The following PRRX1 variants were observed in gnomAD, a reference collection of about 807,000 sequenced individuals.
The protein encoded by PRRX1 is paired mesoderm homeobox protein 1.
A neutral mutation model predicts 24.0 loss-of-function variants in PRRX1; 8 were observed. The ratio of observed to expected loss-of-function variants is 0.33; its 90% CI spans 0.20 to 0.60. The LOEUF (loss-of-function observed/expected upper bound fraction) is 0.60, where lower values mean the gene tolerates loss of function less well. Among genes scored for constraint, PRRX1 ranks in the 20% least tolerant of loss-of-function variants. The pLI is 0.82. For synonymous variants in PRRX1, 160 were observed against 131.7 expected (o/e 1.22, Z -1.47); for missense variants, 281 against 322.4 (o/e 0.87, Z 0.98).
intron 2 of PRRX1, among the ~76,000 whole-genome samples, chr1:170,724,514 C>G (rs1331825448): frequency 6.6e-6 from 1 of 152,140 alleles, no homozygotes; most frequent in African/African-American, 2.4e-5. Flanking sequence ...CTAGCCAGTT[C>G]TCCAAGCACC....
intron 1 of PRRX1, among the ~76,000 whole-genome samples, chr1:170,689,176 T>C (rs2101896589): frequency 6.6e-6 from 1 of 152,206 alleles, no homozygotes; most frequent in South Asian, 2.1e-4. Flanking sequence ...TTCTGTTATT[T>C]CAAAAAGATT....
At chr1:170,669,444 A>AAAAAAAAAAAAAAAAAAAAAAG (rs1653067200) in intron 1 of PRRX1, 1 of 144,646 alleles carries the variant, frequency 6.9e-6, no homozygotes, top group Non-Finnish European at 1.5e-5. Context: ...AAAAAAAAAA[A>AAAAAAAAAAAAAAAAAAAAAAG]AAAAAAAAAA....
intron 3 of PRRX1, among the ~76,000 whole-genome samples, chr1:170,733,290 T>C (rs1404134400): frequency 6.6e-6 from 1 of 152,166 alleles, no homozygotes; most frequent in African/African-American, 2.4e-5. Context: ...AGCAATAGCA[T>C]CTTCAGTAAA....
At chr1:170,686,550 G>T (rs188463591) in intron 1 of PRRX1, among the ~76,000 whole-genome samples, 1 of 152,164 alleles carries the variant, frequency 6.6e-6, no homozygotes. Context: ...CTAGCCTTAG[G>T]GGGTAGCTGT....
At chr1:170,712,066 C>A (rs1654769162) in intron 1 of PRRX1, among the ~76,000 whole-genome samples, 1 of 152,130 alleles carries the variant, frequency 6.6e-6, no homozygotes, top group Non-Finnish European at 1.5e-5. Flanking sequence ...ATTTTCATAA[C>A]CTGTCTTTAG....
At chr1:170,691,976 T>C (rs997424375) in intron 1 of PRRX1, among the ~76,000 whole-genome samples, 1 of 152,066 alleles carries the variant, frequency 6.6e-6, no homozygotes, top group African/African-American at 2.4e-5. Context: ...TATTGTGTGC[T>C]TGGTACTGTG....
At chr1:170,689,180 A>G (rs1485785238) in intron 1 of PRRX1, among the ~76,000 whole-genome samples, 1 of 152,112 alleles carries the variant, frequency 6.6e-6, no homozygotes, top group Non-Finnish European at 1.5e-5. Context: ...GTTATTTCAA[A>G]AAGATTAATA....
At position 170,686,089 on chromosome 1, in the gene PRRX1, G is replaced by T. The variant is rs546421259; in HGVS notation, c.241+21630G>T. Among the ~76,000 whole-genome samples the T allele has an allele frequency of 3.3e-5, 5 of 149,776 alleles. No homozygotes were observed. The South Asian group carries it at 8.4e-4, about 25-fold the overall frequency. Reference sequence around the variant, plus strand: ...CGTCTGCCTCCAAGGCTGTCAATCCGGCACCTTTCACCAGCATTAAGCTCA... The same window carrying T: ...CGTCTGCCTCCAAGGCTGTCAATCCTGCACCTTTCACCAGCATTAAGCTCA... On this transcript the variant is annotated intron_variant, in intron 1 of 3. Transcript: ENST00000239461.
At chr1:170,709,557 T>G (rs1654677529) in intron 1 of PRRX1, among the ~76,000 whole-genome samples, 1 of 152,184 alleles carries the variant, frequency 6.6e-6, no homozygotes, top group African/African-American at 2.4e-5. Context: ...CTGGCTCTGA[T>G]GGTCACCAAG....
chr1:170,727,323 G>A (rs997992388), intron 3 of PRRX1: 1 of 152,186 alleles, frequency 6.6e-6, no homozygotes. Context: ...CATTGGATTA[G>A]TCTAGAGTGA....
intron 2 of PRRX1, 69 bp from the exon 3 acceptor site, chr1:170,726,151 C>T: frequency 3.5e-6 from 5 of 1,446,978 alleles, no homozygotes; most frequent in Non-Finnish European, 4.8e-6. Context: ...GAATTTCATT[C>T]ATGTAACCCC....
intron 3 of PRRX1, chr1:170,728,779 T>C (rs1655335479): frequency 6.6e-6 from 1 of 152,232 alleles, no homozygotes; most frequent in African/African-American, 2.4e-5. Flanking sequence ...AGCTATTCTG[T>C]TATTTGGAGA....
intron 1 of PRRX1, among the ~76,000 whole-genome samples, chr1:170,691,581 CT>C (rs1441835616): frequency 6.7e-6 from 1 of 149,788 alleles, no homozygotes; most frequent in African/African-American, 2.5e-5. Context: ...CTTCCCCCAC[CT>C]TTTTTAGTTC....
rs1652841879 is a variant in PRRX1 at position 170,664,416 on chromosome 1, G to A, written c.198G>A (p.Glu66=). Residue 66 remains glutamate, a synonymous_variant, in exon 1 of 4, where the codon GAG becomes GAA. Coordinates refer to ENST00000239461, the MANE Select transcript of PRRX1 (RefSeq NM_022716.4). ...GCGAGGCTGGCCGGAGCCTGCTGGA[G>A]TCGCCGGGACTCACCAGCGGCAGCG... ...NVGEAGRSLL[E]SPGLTSGSDT... is the part of the protein sequence containing the mutation. 1 of 1,610,958 alleles carries A rather than the reference G, an allele frequency of 6.2e-7. No individual in the cohort carries two copies. The highest frequency in any genetic ancestry group is 8.5e-7 in the Non-Finnish European group (1 of 1,179,078).
chr1:170,733,369 C>A (rs940100264), intron 3 of PRRX1, among the ~76,000 whole-genome samples: 1 of 152,090 alleles, frequency 6.6e-6, no homozygotes, highest in Non-Finnish European at 1.5e-5. Flanking sequence ...CTTTGATTAT[C>A]TAAGAAAGGG....
chr1:170,707,087 G>A (rs1343830215), intron 1 of PRRX1, among the ~76,000 whole-genome samples: 1 of 151,642 alleles, frequency 6.6e-6, no homozygotes, highest in Non-Finnish European at 1.5e-5. Flanking sequence ...TTATGCCACC[G>A]TACCCCAGCC....
At chr1:170,725,655 T>A (rs1043456491) in intron 2 of PRRX1, among the ~76,000 whole-genome samples, 1 of 152,186 alleles carries the variant, frequency 6.6e-6, no homozygotes, top group Non-Finnish European at 1.5e-5. Context: ...AGTACACCCT[T>A]TAGTGGTTGC....
chr1:170,725,926 T>C (rs1655239571), intron 2 of PRRX1, among the ~76,000 whole-genome samples: 1 of 152,172 alleles, frequency 6.6e-6, no homozygotes, highest in Non-Finnish European at 1.5e-5. Context: ...TAACAGGGAT[T>C]ATAACCCATA....
chr1:170,719,077 T>G (rs1297219192), intron 1 of PRRX1, among the ~76,000 whole-genome samples: 1 of 152,166 alleles, frequency 6.6e-6, no homozygotes, highest in Non-Finnish European at 1.5e-5. Context: ...AATGTTAGCT[T>G]GGGTTGATGG....
Sources: gnomAD v4.1 joint callset for allele counts (sites outside exome capture counted in the v4.1 genomes callset) on GRCh38, gnomAD v4.1.1 for gene constraint, MANE v1.5 for transcripts, NCBI Gene and HGNC (gene_info 2026-07-23, HGNC 2026-07-21) for gene names.